NTM: variants seen among roughly 807,000 people sequenced by gnomAD.
The protein encoded by NTM is neurotrimin.
NTM carries 13 observed loss-of-function variants against 42.1 expected under a neutral mutation model. The observed-to-expected ratio is 0.31, with a 90% CI of 0.20 to 0.49. The LOEUF (loss-of-function observed/expected upper bound fraction) is 0.49, where lower values mean the gene tolerates loss of function less well. Among genes scored for constraint, NTM ranks in the 20% least tolerant of loss-of-function variants. NTM has a pLI of 0.99. For missense variants in NTM, 373 were observed against 452.8 expected (o/e 0.82, Z 1.60); for synonymous variants, 187 against 179.2 (o/e 1.04, Z -0.35).
At chr11:132,050,475 C>T (rs2078698345) in intron 2 of NTM, among the ~76,000 whole-genome samples, 1 of 152,198 alleles carries the variant, frequency 6.6e-6, no homozygotes, top group Non-Finnish European at 1.5e-5. Flanking sequence ...ATAGCAGGCA[C>T]TGTGTTCACT....
At chr11:132,198,889 A>G (rs538386514) in intron 3 of NTM, among the ~76,000 whole-genome samples, 15 of 152,208 alleles carry the variant, frequency 9.9e-5, no homozygotes, top group Non-Finnish European at 1.6e-4. Flanking sequence ...CTCATTTAGT[A>G]TCAGCCATCC....
intron 6 of NTM, among the ~76,000 whole-genome samples, chr11:132,313,994 G>C (rs2136146458): frequency 6.6e-6 from 1 of 152,262 alleles, no homozygotes; most frequent in African/African-American, 2.4e-5. Flanking sequence ...ATGAGAAAAT[G>C]ATGATTTTTC....
At chr11:132,101,213 T>C (rs751148067) in intron 2 of NTM, among the ~76,000 whole-genome samples, 2 of 152,162 alleles carry the variant, frequency 1.3e-5, no homozygotes, top group Non-Finnish European at 2.9e-5. Flanking sequence ...ATTTTAATAT[T>C]GATCGTGCCA....
chr11:131,659,975 T>G (rs1034251803), intron 1 of NTM, among the ~76,000 whole-genome samples: 5 of 152,204 alleles, frequency 3.3e-5, no homozygotes, highest in Admixed American at 2.6e-4. Context: ...TTTTCCAATA[T>G]GTGAGCACGT....
intron 1 of NTM, among the ~76,000 whole-genome samples, chr11:131,740,265 A>G (rs2081016179): frequency 6.6e-6 from 1 of 152,270 alleles, no homozygotes; most frequent in East Asian, 1.9e-4. Flanking sequence ...CGATTTCCAC[A>G]TTGTAAAATA....
intron 4 of NTM, among the ~76,000 whole-genome samples, chr11:132,251,687 T>C (rs2032179744): frequency 6.6e-6 from 1 of 152,212 alleles, no homozygotes; most frequent in Non-Finnish European, 1.5e-5. Flanking sequence ...TAGCCTGAAG[T>C]GCCTGTGCCT....
chr11:131,370,629 G>A lies in NTM; in HGVS notation c.-178G>A. On this transcript the variant is annotated 5_prime_UTR_variant, in exon 1 of 9. Coordinates refer to ENST00000683400, the MANE Select transcript of NTM (RefSeq NM_001352005.2). ...GTCTCAGTGCCAGAGTATGAGTGGA[G>A]ATAATTACGGAGAAGTCATACTCTC... is the stretch of plus-strand genomic sequence containing the variant. 2 of 605,436 alleles carry A rather than the reference G, an allele frequency of 3.3e-6. No individual in the cohort carries two copies. Among genetic ancestry groups the A allele is most frequent in the South Asian group, 2.0e-5 (1 of 48,866 alleles). 37.5% of individuals were successfully genotyped at this position (605,436 alleles called of 1,614,324 possible).
chr11:131,878,978 C>A (rs970509917), intron 1 of NTM, among the ~76,000 whole-genome samples: 1 of 152,108 alleles, frequency 6.6e-6, no homozygotes, highest in African/African-American at 2.4e-5. Context: ...GAAATTGACA[C>A]TGATGTCAAT....
intron 1 of NTM, among the ~76,000 whole-genome samples, chr11:131,654,977 C>T (rs572071517): frequency 6.6e-6 from 1 of 152,286 alleles, no homozygotes; most frequent in East Asian, 1.9e-4. Flanking sequence ...AGGCCACATG[C>T]ACATGTACTC....
rs76845981 is a variant in NTM at position 131,820,258 on chromosome 11, G to A, written c.83-91306G>A. ...TGTCTCCCTCTGCCTTTCCCTTATC[G>A]CCTCTATGTCTGCTTCTGGAAACCC... On this transcript the variant is annotated intron_variant, in intron 1 of 8. Transcript: ENST00000683400. Among the ~76,000 whole-genome samples the A allele has an allele frequency of 2.3e-4, 35 of 151,916 alleles. 1 individual carries two copies. In the East Asian group the frequency reaches 5.8e-3, roughly 25 times the overall value.
intron 1 of NTM, among the ~76,000 whole-genome samples, chr11:131,698,404 ATGAT>A (rs535701424): frequency 3.3e-5 from 5 of 152,244 alleles, no homozygotes; most frequent in Admixed American, 6.5e-5. Context: ...CATCATCATC[ATGAT>A]TGACATTGAC....
chr11:132,086,837 G>A (rs537612739), intron 2 of NTM, among the ~76,000 whole-genome samples: 5 of 152,294 alleles, frequency 3.3e-5, no homozygotes, highest in African/African-American at 9.6e-5. Context: ...TCAATTCTAA[G>A]CCAACCAGTG....
intron 4 of NTM, among the ~76,000 whole-genome samples, chr11:132,304,412 C>CTTT (rs11443879): frequency 6.8e-6 from 1 of 146,008 alleles, no homozygotes; most frequent in Non-Finnish European, 1.5e-5. Flanking sequence ...ACTATGCTTG[C>CTTT]TTTTTTTTTT....
At chr11:131,627,940 G>A (rs1305369317) in intron 1 of NTM, among the ~76,000 whole-genome samples, 1 of 152,072 alleles carries the variant, frequency 6.6e-6, no homozygotes, top group Non-Finnish European at 1.5e-5. Context: ...TTAGTGCTTG[G>A]ACAAAGGAAA....
intron 3 of NTM, among the ~76,000 whole-genome samples, chr11:132,196,087 TAATTC>T (rs1476917154): frequency 6.6e-6 from 1 of 151,982 alleles, no homozygotes; most frequent in Non-Finnish European, 1.5e-5. Flanking sequence ...ATAACGAACT[TAATTC>T]AACAAGCAAA....
At chr11:131,840,169 T>C (rs2044050063) in intron 1 of NTM, among the ~76,000 whole-genome samples, 1 of 152,118 alleles carries the variant, frequency 6.6e-6, no homozygotes, top group Non-Finnish European at 1.5e-5. Flanking sequence ...CATTGGGAAG[T>C]TGTGATACGG....
chr11:132,250,508 C>A (rs1202847710), intron 4 of NTM, among the ~76,000 whole-genome samples: 1 of 152,048 alleles, frequency 6.6e-6, no homozygotes, highest in African/African-American at 2.4e-5. Flanking sequence ...TGGGACTCCT[C>A]ACTAAATGTA....
intron 1 of NTM, among the ~76,000 whole-genome samples, chr11:131,405,661 A>G (rs1945730751): frequency 6.6e-6 from 1 of 152,054 alleles, no homozygotes; most frequent in Non-Finnish European, 1.5e-5. Flanking sequence ...GCCTCCTACA[A>G]TCCATTCTTC....
At chr11:131,694,210 A>G (rs984360270) in intron 1 of NTM, among the ~76,000 whole-genome samples, 4 of 152,210 alleles carry the variant, frequency 2.6e-5, no homozygotes. Flanking sequence ...GGTGCCTCGC[A>G]TAGGAGAATT....
Sources: allele counts gnomAD v4.1 joint callset (sites outside exome capture counted in the v4.1 genomes callset), GRCh38; gene constraint gnomAD v4.1.1; transcripts MANE v1.5; gene names NCBI Gene and HGNC (gene_info 2026-07-23, HGNC 2026-07-21).